Variants in SOX5 observed in about 807,000 individuals in gnomAD.
SOX5 encodes SRY-box transcription factor 5, also known as transcription factor SOX-5.
SOX5 carries 9 observed loss-of-function variants against 92.0 expected under a neutral mutation model. The observed-to-expected ratio is 0.10, with a 90% confidence interval of 0.06 to 0.17. SOX5 has a LOEUF of 0.17. SOX5 is among the 10% of genes least tolerant of loss of function. The pLI is 1.00. For missense variants in SOX5, 642 were observed against 944.5 expected (o/e 0.68, Z 4.20); for synonymous variants, 344 against 336.3 (o/e 1.02, Z -0.25).
intron 10 of SOX5, among the ~76,000 whole-genome samples, chr12:23,564,584 T>C (rs1946757263): frequency 6.6e-6 from 1 of 152,226 alleles, no homozygotes; most frequent in Admixed American, 6.5e-5. Flanking sequence ...CAGCAAACTT[T>C]ACACCCTAAT....
chr12:23,917,005 C>G (rs1267625852), intron 1 of SOX5, among the ~76,000 whole-genome samples: 1 of 152,136 alleles, frequency 6.6e-6, no homozygotes, highest in African/African-American at 2.4e-5. Context: ...CATGGCATGG[C>G]ATAGGAATTT....
At chr12:24,434,398 C>A (rs1472253351) in intron 1 of SOX5, among the ~76,000 whole-genome samples, 1 of 152,140 alleles carries the variant, frequency 6.6e-6, no homozygotes, top group East Asian at 1.9e-4. Context: ...CTATCAAATT[C>A]TCTACTGAAA....
intron 4 of SOX5, among the ~76,000 whole-genome samples, chr12:24,094,100 C>T (rs892666022): frequency 6.6e-6 from 1 of 152,226 alleles, no homozygotes; most frequent in Non-Finnish European, 1.5e-5. Context: ...GCGCCCGCCA[C>T]CATGCCCGGC....
intron 3 of SOX5, among the ~76,000 whole-genome samples, chr12:24,267,105 C>A (rs569307377): frequency 1.3e-5 from 2 of 152,192 alleles, no homozygotes; most frequent in East Asian, 3.9e-4. Context: ...TCTAGGATAA[C>A]ACTTGTGCCA....
chr12:23,637,881 GA>G, intron 8 of SOX5: 1 of 152,604 alleles, frequency 6.6e-6, no homozygotes, highest in Admixed American at 6.5e-5. Flanking sequence ...TGGGTTGCTG[GA>G]AAACAATGCG....
intron 4 of SOX5, among the ~76,000 whole-genome samples, chr12:23,969,253 T>C (rs1947946573): frequency 6.6e-6 from 1 of 152,188 alleles, no homozygotes; most frequent in Non-Finnish European, 1.5e-5. Flanking sequence ...GTCCAAAGCA[T>C]CACCATCTGC....
At chr12:24,397,717 T>C (rs1296467126) in intron 1 of SOX5, among the ~76,000 whole-genome samples, 1 of 151,918 alleles carries the variant, frequency 6.6e-6, no homozygotes, top group Non-Finnish European at 1.5e-5. Context: ...GTCCCAAACA[T>C]CACAAATCCA....
chr12:24,125,435 A>G (rs1351382630), intron 4 of SOX5, among the ~76,000 whole-genome samples: 1 of 152,192 alleles, frequency 6.6e-6, no homozygotes, highest in Non-Finnish European at 1.5e-5. Context: ...GCAAATAGTT[A>G]CTGAGGCCTT....
intron 6 of SOX5, among the ~76,000 whole-genome samples, chr12:23,721,866 T>C (rs1028648458): frequency 6.6e-6 from 1 of 152,242 alleles, no homozygotes; most frequent in Admixed American, 6.5e-5. Context: ...AATATGGTTA[T>C]TATTACCATA....
intron 2 of SOX5, among the ~76,000 whole-genome samples, chr12:24,356,416 C>A (rs904894149): frequency 8.6e-5 from 13 of 151,986 alleles, no homozygotes; most frequent in Admixed American, 6.6e-4. Context: ...TTCCATAGCA[C>A]CTTTGTTTCT....
intron 1 of SOX5, among the ~76,000 whole-genome samples, chr12:24,515,385 TTTAAG>T (rs1433349727): frequency 1.3e-5 from 2 of 152,208 alleles, no homozygotes; most frequent in Non-Finnish European, 2.9e-5. Context: ...ACTAATTATA[TTTAAG>T]TTGTTATTCG....
intron 1 of SOX5, among the ~76,000 whole-genome samples, chr12:23,910,214 T>C (rs2097336804): frequency 6.6e-6 from 1 of 152,138 alleles, no homozygotes; most frequent in South Asian, 2.1e-4. Context: ...AGAGGTAGAA[T>C]GAGTGCTGAA....
At chr12:23,933,580 G>A (rs929220984) in intron 1 of SOX5, among the ~76,000 whole-genome samples, 5 of 151,582 alleles carry the variant, frequency 3.3e-5, no homozygotes, top group African/African-American at 9.7e-5. Context: ...AAGTCAACCT[G>A]GAGGGCCCAG....
At position 24,334,913 on chromosome 12, in the gene SOX5, T is replaced by TAA. The variant is rs55668750; in HGVS notation, c.-174+33648_-174+33649dup. Among the ~76,000 whole-genome samples, 360 of 147,868 alleles carry TAA rather than the reference T, an allele frequency of 2.4e-3. 2 individuals carry two copies. Among genetic ancestry groups the TAA allele is most frequent in the Middle Eastern group, 6.8e-3 (2 of 292 alleles). On this transcript the variant is annotated intron_variant, in intron 2 of 4. Transcript: ENST00000446891. ...ATTTACAGTTACAATCCCAATTATG[T>TAA]AAAAAAAAAAAATAGAGATCTGGAT...
chr12:24,325,648 T>C (rs1158574899), intron 2 of SOX5, among the ~76,000 whole-genome samples: 1 of 152,160 alleles, frequency 6.6e-6, no homozygotes, highest in Non-Finnish European at 1.5e-5. Context: ...AAGGGGAACA[T>C]GCATTTACAT....
intron 1 of SOX5, among the ~76,000 whole-genome samples, chr12:24,406,791 C>T (rs12309879): frequency 0.02 from 3,108 of 152,156 alleles, 106 homozygotes; most frequent in African/African-American, 0.072. Flanking sequence ...CTAAATTTCA[C>T]CCGAAGCAAG....
intron 1 of SOX5, among the ~76,000 whole-genome samples, chr12:23,931,432 C>T (rs919609286): frequency 2.6e-5 from 4 of 151,650 alleles, no homozygotes; most frequent in African/African-American, 9.7e-5. Context: ...GACTCTAGAG[C>T]CTGTGCTGTA....
At chr12:24,370,972 T>C (rs915914311) in intron 1 of SOX5, among the ~76,000 whole-genome samples, 6 of 152,236 alleles carry the variant, frequency 3.9e-5, no homozygotes, top group Admixed American at 2.0e-4. Context: ...TACTGAAATG[T>C]TGAATATGCT....
intron 3 of SOX5, among the ~76,000 whole-genome samples, chr12:23,772,390 C>G (rs1336940778): frequency 6.6e-6 from 1 of 152,168 alleles, no homozygotes; most frequent in African/African-American, 2.4e-5. Context: ...AGTACACCAA[C>G]ATTAAATAAC....
Sources: allele counts gnomAD v4.1 joint callset (sites outside exome capture counted in the v4.1 genomes callset), GRCh38; gene constraint gnomAD v4.1.1; transcripts MANE v1.5; gene names NCBI Gene and HGNC (gene_info 2026-07-23, HGNC 2026-07-21).